TMEM87A: variants seen among roughly 807,000 people sequenced by gnomAD.
TMEM87A encodes the protein transmembrane protein 87A.
In TMEM87A, 50 loss-of-function variants were observed where a neutral mutation model predicts 90.0. That is an observed-to-expected ratio of 0.56 (90% CI 0.44 to 0.70). The LOEUF (loss-of-function observed/expected upper bound fraction) is 0.70, where lower values mean the gene tolerates loss of function less well. Among genes scored for constraint, TMEM87A ranks in the 30% least tolerant of loss-of-function variants. The pLI is 0.00. For synonymous variants in TMEM87A, 226 were observed against 226.7 expected (o/e 1.00, Z 0.03); for missense variants, 577 against 660.5 (o/e 0.87, Z 1.39).
At position 42,211,683 on chromosome 15, in the gene TMEM87A, C is replaced by T; in HGVS notation, c.*25G>A. ...TGATCTCTTCCCTGATGGTAGCCAT[C>T]TTTAACTGCAAATCTTCCCATTCCT... On this transcript the variant is annotated 3_prime_UTR_variant, in exon 20 of 20. Transcript: ENST00000389834. 1.9e-6 allele frequency: 3 copies of T among 1,611,604 alleles called. No homozygotes were observed. The highest frequency in any genetic ancestry group is 2.5e-6 in the Non-Finnish European group (3 of 1,178,394).
intron 6 of TMEM87A, among the ~76,000 whole-genome samples, chr15:42,256,383 A>T (rs767896634): frequency 2.0e-5 from 3 of 152,068 alleles, no homozygotes; most frequent in Non-Finnish European, 2.9e-5. Context: ...CAAGTGATTC[A>T]CCCACCTTGG....
chr15:42,253,475 C>T (rs1000019196), intron 6 of TMEM87A, among the ~76,000 whole-genome samples: 3 of 152,140 alleles, frequency 2.0e-5, no homozygotes, highest in African/African-American at 7.2e-5. Flanking sequence ...GGAAGCCACT[C>T]CAGCCCTGGG....
At chr15:42,233,747 T>C (rs779795579) in intron 10 of TMEM87A, among the ~76,000 whole-genome samples, 22 of 152,102 alleles carry the variant, frequency 1.4e-4, no homozygotes, top group South Asian at 4.1e-4. Flanking sequence ...CTTATTTTTC[T>C]TTGGTATTTC....
chr15:42,234,257 T>C (rs1448203617), intron 10 of TMEM87A, among the ~76,000 whole-genome samples: 1 of 152,204 alleles, frequency 6.6e-6, no homozygotes, highest in Non-Finnish European at 1.5e-5. Context: ...GGAGAAAAAG[T>C]CTTAACTCCT....
chr15:42,272,819 G>A (rs1365003967), intron 1 of TMEM87A: 4 of 397,980 alleles, frequency 1.0e-5, no homozygotes, highest in East Asian at 7.2e-5. Context: ...CATCTCGTAA[G>A]CAGAATTACC....
intron 19 of TMEM87A, among the ~76,000 whole-genome samples, chr15:42,215,995 G>A (rs968959054): frequency 2.0e-5 from 3 of 152,184 alleles, no homozygotes; most frequent in Non-Finnish European, 2.9e-5. Flanking sequence ...CGTGTCCACT[G>A]ACAGATAAAT....
intron 3 of TMEM87A, among the ~76,000 whole-genome samples, chr15:42,267,312 A>C (rs1328777634): frequency 1.3e-5 from 2 of 152,242 alleles, no homozygotes; most frequent in Non-Finnish European, 2.9e-5. Context: ...AGTACAAAAA[A>C]AGTTCATTAA....
At chr15:42,230,011 A>C (rs1230113774) in intron 12 of TMEM87A, among the ~76,000 whole-genome samples, 1 of 152,148 alleles carries the variant, frequency 6.6e-6, no homozygotes, top group African/African-American at 2.4e-5. Flanking sequence ...TTTTTTGTAG[A>C]GATAGGGCTT....
upstream of TMEM87A, chr15:42,273,539 C>G: frequency 3.5e-6 from 5 of 1,411,388 alleles, no homozygotes; most frequent in Non-Finnish European, 4.7e-6. Flanking sequence ...CGTAGCGGCC[C>G]CTCTCTCAGA....
At chr15:42,224,185 C>T (rs1461571504) in intron 15 of TMEM87A, among the ~76,000 whole-genome samples, 1 of 152,160 alleles carries the variant, frequency 6.6e-6, no homozygotes, top group Non-Finnish European at 1.5e-5. Context: ...CTCTGACCTC[C>T]AGAGGAAATG....
At chr15:42,227,055 G>C in intron 14 of TMEM87A, 146 bp from the exon 15 acceptor site, 4 of 698,026 alleles carry the variant, frequency 5.7e-6, no homozygotes, top group Non-Finnish European at 9.3e-6. Context: ...ACTGTGGTAA[G>C]TGTGGGGAAA....
At chr15:42,237,850 A>G (rs1241804449) in intron 8 of TMEM87A, among the ~76,000 whole-genome samples, 2 of 152,174 alleles carry the variant, frequency 1.3e-5, no homozygotes, top group East Asian at 3.9e-4. Context: ...CAGTCTTAAC[A>G]AGTTACAAAA....
Position 42,225,816 on chromosome 15 carries a change from C to G in TMEM87A, c.1403+990G>C, listed in dbSNP as rs562511080. ...CCTCCCAAAGTGCTGGGATTACAGG[C>G]ATGAGCCACCGTGCCTGGTTGACAC... On this transcript the variant is annotated intron_variant, in intron 15 of 19. Coordinates refer to ENST00000389834, the MANE Select transcript of TMEM87A (RefSeq NM_015497.5). Among the ~76,000 whole-genome samples, 38 of 152,328 alleles carry G rather than the reference C, an allele frequency of 2.5e-4. No homozygotes were observed. In the South Asian group the frequency reaches 7.9e-3, roughly 32 times the overall value.
intron 10 of TMEM87A, among the ~76,000 whole-genome samples, chr15:42,233,934 C>A (rs2050729937): frequency 6.9e-6 from 1 of 143,994 alleles, no homozygotes; most frequent in Non-Finnish European, 1.5e-5. Flanking sequence ...CTACACCAGG[C>A]TAATTTTTTT....
chr15:42,252,893 T>C (rs1343243745), intron 6 of TMEM87A, among the ~76,000 whole-genome samples: 1 of 152,218 alleles, frequency 6.6e-6, no homozygotes, highest in Non-Finnish European at 1.5e-5. Flanking sequence ...TGTTATAAAG[T>C]GGCAACTCTG....
intron 6 of TMEM87A, chr15:42,258,856 AC>A: frequency 6.6e-7 from 1 of 1,506,542 alleles, no homozygotes; most frequent in Non-Finnish European, 8.8e-7. Context: ...AGAATAAGAA[AC>A]TCTGAAAATC....
chr15:42,222,124 G>T (rs962902014), intron 15 of TMEM87A, among the ~76,000 whole-genome samples: 1 of 151,960 alleles, frequency 6.6e-6, no homozygotes, highest in African/African-American at 2.4e-5. Context: ...GCAATGGCGC[G>T]ATCTCAGCTC....
At chr15:42,273,115 A>G in intron 1 of TMEM87A, 140 bp downstream of exon 1, 1 of 1,074,260 alleles carries the variant, frequency 9.3e-7, no homozygotes, top group African/African-American at 1.6e-5. Flanking sequence ...GGTGGGTCCC[A>G]GTTGGCTAGC....
chr15:42,247,119 T>G (rs1274418418), intron 6 of TMEM87A, among the ~76,000 whole-genome samples: 1 of 152,228 alleles, frequency 6.6e-6, no homozygotes, highest in Non-Finnish European at 1.5e-5. Flanking sequence ...GTTCATATCC[T>G]TTGTCCACTT....
Sources: allele counts gnomAD v4.1 joint callset (sites outside exome capture counted in the v4.1 genomes callset), GRCh38; gene constraint gnomAD v4.1.1; transcripts MANE v1.5; gene names NCBI Gene and HGNC (gene_info 2026-07-23, HGNC 2026-07-21).